Variants in FBXL2 observed in about 807,000 individuals in gnomAD.
FBXL2 encodes F-box and leucine rich repeat protein 2.
A neutral mutation model predicts 69.2 loss-of-function variants in FBXL2; 38 were observed. The ratio of observed to expected loss-of-function variants is 0.55; its 90% CI spans 0.42 to 0.72. The LOEUF is 0.72. Among genes scored for constraint, FBXL2 ranks in the 30% least tolerant of loss-of-function variants. FBXL2 has a pLI of 0.00. For missense variants in FBXL2, 354 were observed against 520.3 expected, an observed-to-expected ratio of 0.68 and a Z score of 3.11; for synonymous variants, 192 against 201.3, an observed-to-expected ratio of 0.95 and a Z score of 0.39.
intron 2 of FBXL2, among the ~76,000 whole-genome samples, chr3:33,319,292 A>G (rs889694691): frequency 2.6e-5 from 4 of 152,020 alleles, no homozygotes; most frequent in Admixed American, 1.3e-4. Context: ...AATTTTTTAT[A>G]TATCTCTTTA....
intron 1 of FBXL2, among the ~76,000 whole-genome samples, chr3:33,279,601 T>A (rs953841750): frequency 6.6e-6 from 1 of 152,188 alleles, no homozygotes; most frequent in African/African-American, 2.4e-5. Context: ...TACACTTCCT[T>A]AACTGCTTGA....
At chr3:33,326,870 A>G (rs1351231949) in intron 2 of FBXL2, among the ~76,000 whole-genome samples, 1 of 152,198 alleles carries the variant, frequency 6.6e-6, no homozygotes, top group Non-Finnish European at 1.5e-5. Context: ...CTATTGATCT[A>G]AAGACATAGA....
intron 13 of FBXL2, among the ~76,000 whole-genome samples, chr3:33,379,093 C>T (rs903225460): frequency 2.6e-5 from 4 of 152,004 alleles, no homozygotes; most frequent in African/African-American, 9.7e-5. Context: ...CTACAACCTC[C>T]ACCTCCCAGG....
intron 2 of FBXL2, among the ~76,000 whole-genome samples, chr3:33,334,419 G>A (rs1210151547): frequency 2.6e-5 from 4 of 152,100 alleles, no homozygotes; most frequent in Admixed American, 6.6e-5. Context: ...TCATTGAATA[G>A]GCATTTCAGC....
At chr3:33,320,444 A>G (rs1045218168) in intron 2 of FBXL2, among the ~76,000 whole-genome samples, 35 of 152,288 alleles carry the variant, frequency 2.3e-4, no homozygotes, top group African/African-American at 8.4e-4. Flanking sequence ...AACATTTAGA[A>G]AAAGTATTGG....
intron 2 of FBXL2, among the ~76,000 whole-genome samples, chr3:33,305,538 A>AT (rs1411819160): frequency 1.4e-4 from 21 of 150,748 alleles, no homozygotes; most frequent in Admixed American, 6.0e-4. Context: ...TCTTTATCTG[A>AT]TTTTTTTTTG....
intron 12 of FBXL2, among the ~76,000 whole-genome samples, chr3:33,400,707 GA>G (rs2044192903): frequency 6.6e-6 from 1 of 152,074 alleles, no homozygotes; most frequent in African/African-American, 2.4e-5. Flanking sequence ...AGAAGAACTG[GA>G]TTAAAGGGTG....
rs761626117 is a variant in FBXL2, at chr3:33,378,850, A to T, written c.951+109A>T. On this transcript the variant is annotated intron_variant, in intron 13 of 14. Transcript: ENST00000484457. ...TTTCTGTAAGGTATCATCTCTCTTG[A>T]TTTCAAAAATCTATTAATTGGGCTA... 6 of 1,579,794 alleles carry T rather than the reference A, an allele frequency of 3.8e-6. No homozygotes were observed. In the African/African-American group the frequency reaches 8.2e-5, roughly 21 times the overall value.
At chr3:33,282,606 G>C (rs1030000326) in intron 1 of FBXL2, among the ~76,000 whole-genome samples, 8 of 152,130 alleles carry the variant, frequency 5.3e-5, no homozygotes, top group African/African-American at 1.9e-4. Flanking sequence ...AGCTTGATGG[G>C]GATGGCATTG....
Position 33,385,822 on chromosome 3 carries a change from AAC to A in FBXL2, c.*218_*219del, listed in dbSNP as rs2043394252. On this transcript the variant is annotated 3_prime_UTR_variant, in exon 15 of 15. Coordinates refer to ENST00000484457, the MANE Select transcript of FBXL2 (RefSeq NM_012157.5). ...ATCAAATCAAAGCCTTGTGTCAGTT[AAC>A]ACATGACAAGTGGTCTCAATGCAGC... 1 of 569,090 alleles carries A rather than the reference AAC, an allele frequency of 1.8e-6. No homozygotes were observed. The highest frequency in any genetic ancestry group is 3.0e-5 in the East Asian group (1 of 33,364). The allele number at this position is 569,090 out of a possible 1,614,324, so 35.3% of individuals were successfully genotyped here.
intron 1 of FBXL2, among the ~76,000 whole-genome samples, chr3:33,281,003 T>G (rs1369917807): frequency 6.6e-6 from 1 of 152,212 alleles, no homozygotes. Flanking sequence ...GAGGGAACAC[T>G]GCAAAAATAG....
chr3:33,407,726 T>A (rs1313734799), downstream of FBXL2, among the ~76,000 whole-genome samples: 1 of 152,202 alleles, frequency 6.6e-6, no homozygotes, highest in Non-Finnish European at 1.5e-5. Flanking sequence ...AAGTCTACAT[T>A]TAACCACAGC....
At chr3:33,390,651 A>G (rs1257699194), downstream of FBXL2, 8 of 486,590 alleles carry the variant, frequency 1.6e-5, no homozygotes, top group Non-Finnish European at 3.0e-5. Context: ...CTATCAAGAC[A>G]CACAATAATA....
chr3:33,285,984 A>G (rs1004714601), intron 1 of FBXL2, among the ~76,000 whole-genome samples: 10 of 152,172 alleles, frequency 6.6e-5, no homozygotes, highest in Admixed American at 5.9e-4. Context: ...GGGTTCGAAC[A>G]TCCTCCTTTA....
chr3:33,334,065 A>C (rs1260306106), intron 2 of FBXL2, among the ~76,000 whole-genome samples: 1 of 152,202 alleles, frequency 6.6e-6, no homozygotes, highest in African/African-American at 2.4e-5. Flanking sequence ...ACTTCCGGAC[A>C]GAGGGAAGGG....
chr3:33,411,288 AG>A, the FBXL2 span, among the ~76,000 whole-genome samples: 6 of 152,300 alleles, frequency 3.9e-5, 1 homozygote, highest in African/African-American at 1.4e-4. Flanking sequence ...TTTAAATAGC[AG>A]CTTGTGTTCA....
downstream of FBXL2, among the ~76,000 whole-genome samples, chr3:33,405,537 C>G (rs185392286): frequency 3.2e-3 from 480 of 152,174 alleles, 2 homozygotes; most frequent in Non-Finnish European, 6.1e-3. Context: ...TTTCAAAATT[C>G]TTTTGAGGCC....
intron 2 of FBXL2, among the ~76,000 whole-genome samples, chr3:33,349,335 GC>G (rs2040668213): frequency 1.3e-5 from 2 of 152,122 alleles, no homozygotes. Context: ...TTTATCTGGT[GC>G]TTTTTCAGTA....
intron 9 of FBXL2, among the ~76,000 whole-genome samples, chr3:33,374,184 G>A (rs2154048906): frequency 6.6e-6 from 1 of 152,302 alleles, no homozygotes; most frequent in Middle Eastern, 3.4e-3. Context: ...GTTGAATAGA[G>A]TATTAGGGAC....
Sources: allele counts gnomAD v4.1 joint callset (sites outside exome capture counted in the v4.1 genomes callset), GRCh38; gene constraint gnomAD v4.1.1; transcripts MANE v1.5; gene names NCBI Gene and HGNC (gene_info 2026-07-23, HGNC 2026-07-21).